NELL2: variants seen among roughly 807,000 people sequenced by gnomAD.
NELL2 encodes protein kinase C-binding protein NELL2.
A neutral mutation model predicts 109.6 loss-of-function variants in NELL2; 41 were observed. That is an observed-to-expected ratio of 0.37 (90% CI 0.29 to 0.49). The LOEUF (loss-of-function observed/expected upper bound fraction) is 0.49. Ranked by LOEUF, NELL2 falls within the 20% of genes least tolerant of loss-of-function variation. The pLI, the probability that NELL2 is intolerant of heterozygous loss-of-function variation, is 0.98. For missense variants in NELL2, 900 were observed against 1,008.3 expected, an observed-to-expected ratio of 0.89 and a Z score of 1.45; for synonymous variants, 355 against 344.7, an observed-to-expected ratio of 1.03 and a Z score of -0.33.
At chr12:44,843,716 T>C (rs1944292398) in intron 2 of NELL2, among the ~76,000 whole-genome samples, 3 of 152,230 alleles carry the variant, frequency 2.0e-5, no homozygotes, top group African/African-American at 7.2e-5. Flanking sequence ...TGAGAGCTGC[T>C]TTCTGCTTCA....
At chr12:44,920,018 A>C (rs2136899648) in intron 1 of NELL2, among the ~76,000 whole-genome samples, 1 of 152,334 alleles carries the variant, frequency 6.6e-6, no homozygotes, top group South Asian at 2.1e-4. Flanking sequence ...TTCTGGAAAT[A>C]AAGTCTTTAA....
At chr12:44,857,162 T>G (rs1042660655) in intron 2 of NELL2, among the ~76,000 whole-genome samples, 6 of 152,006 alleles carry the variant, frequency 3.9e-5, no homozygotes, top group African/African-American at 7.3e-5. Flanking sequence ...ATGTAAGAGT[T>G]CACCAGGAAA....
At chr12:44,576,456 A>C (rs2136202909) in intron 15 of NELL2, among the ~76,000 whole-genome samples, 1 of 152,104 alleles carries the variant, frequency 6.6e-6, no homozygotes, top group South Asian at 2.1e-4. Flanking sequence ...CATCATGATC[A>C]CTATCCCCAT....
chr12:44,591,828 T>A (rs996133151), intron 15 of NELL2, among the ~76,000 whole-genome samples: 5 of 152,198 alleles, frequency 3.3e-5, no homozygotes, highest in Non-Finnish European at 7.4e-5. Flanking sequence ...TTACCTGATT[T>A]CATCATTAGA....
intron 2 of NELL2, among the ~76,000 whole-genome samples, chr12:44,817,083 G>A: frequency 6.6e-6 from 1 of 152,310 alleles, no homozygotes; most frequent in East Asian, 1.9e-4. Flanking sequence ...CTGGCATTTA[G>A]AGAGGACAAT....
rs77294906 is a variant in NELL2, at chr12:44,677,642, C to A, written c.1319-12033G>T. On this transcript the variant is annotated intron_variant, in intron 12 of 19. Coordinates refer to ENST00000429094, the MANE Select transcript of NELL2 (RefSeq NM_001145108.2). ...TAAAACTGGAAGCTAGGAGGAAGCT[C>A]ACTTGATACTAGTTTCAGTTCTTGT... Among the ~76,000 whole-genome samples the A allele has an allele frequency of 1.6e-3, 247 of 152,120 alleles. 2 individuals are homozygous for A. The East Asian group carries it at 0.039, about 24-fold the overall frequency.
intron 13 of NELL2, among the ~76,000 whole-genome samples, chr12:44,658,066 C>T (rs563913036): frequency 6.6e-5 from 10 of 152,178 alleles, no homozygotes; most frequent in Admixed American, 2.0e-4. Flanking sequence ...CTGTCTTCCA[C>T]AATGGTTGAA....
chr12:44,825,149 G>A (rs945666559), intron 2 of NELL2, among the ~76,000 whole-genome samples: 6 of 152,144 alleles, frequency 3.9e-5, no homozygotes, highest in South Asian at 2.1e-4. Flanking sequence ...GTGGGAATAT[G>A]TCATTGAAAT....
At position 44,610,466 on chromosome 12, in the gene NELL2, G is replaced by A. The variant is rs543956404; in HGVS notation, c.1567+382C>T. 3.9e-4 allele frequency among the ~76,000 whole-genome samples: 59 copies of A among 152,150 alleles called. 2 individuals are homozygous for A. In the South Asian group the frequency reaches 0.012, roughly 30 times the overall value. On this transcript the variant is annotated intron_variant, in intron 14 of 19. Coordinates refer to ENST00000429094, the MANE Select transcript of NELL2 (RefSeq NM_001145108.2). ...AAAAGGTGTAGAAAGAACAGACTGA[G>A]CAAACTGGAAGAAGAGGAACTTGGG...
At chr12:44,663,402 G>A (rs1396976973) in intron 13 of NELL2, among the ~76,000 whole-genome samples, 1 of 152,114 alleles carries the variant, frequency 6.6e-6, no homozygotes. Context: ...CTCTTTAAGT[G>A]GTAGCATAGA....
intron 13 of NELL2, among the ~76,000 whole-genome samples, chr12:44,616,531 C>T (rs1015214205): frequency 6.6e-6 from 1 of 152,054 alleles, no homozygotes; most frequent in African/African-American, 2.4e-5. Context: ...AGACTTAATG[C>T]TAAATAAGTC....
Position 44,577,879 on chromosome 12 carries a change from C to A in NELL2, c.1663+29290G>T, listed in dbSNP as rs150842200. Among the ~76,000 whole-genome samples, 251 of 152,266 alleles carry A rather than the reference C, an allele frequency of 1.6e-3. 1 individual carries two copies. Among genetic ancestry groups the A allele is most frequent in the Admixed American group, 3.7e-3 (57 of 15,296 alleles). ...CCTGACTCTTAACATGTGGCCCGAT[C>A]AATTCTAACTTGCATTTTTGAATTC... On this transcript the variant is annotated intron_variant, in intron 15 of 19. Transcript: ENST00000429094.
At chr12:44,753,112 C>T (rs919856044) in intron 9 of NELL2, among the ~76,000 whole-genome samples, 9 of 152,176 alleles carry the variant, frequency 5.9e-5, no homozygotes, top group African/African-American at 1.9e-4. Context: ...CAAATAGTTA[C>T]ATGGCCGGCT....
intron 1 of NELL2, among the ~76,000 whole-genome samples, chr12:44,908,554 G>C (rs1945745624): frequency 6.6e-6 from 1 of 151,982 alleles, no homozygotes; most frequent in African/African-American, 2.4e-5. Flanking sequence ...CCAAAGGAAA[G>C]AAGGTCAAGG....
chr12:44,798,840 G>A (rs1009549525), intron 3 of NELL2, among the ~76,000 whole-genome samples: 1 of 150,012 alleles, frequency 6.7e-6, no homozygotes, highest in Admixed American at 6.7e-5. Context: ...CCTGATTATA[G>A]CAAAGGCATT....
intron 3 of NELL2, among the ~76,000 whole-genome samples, chr12:44,788,966 G>T (rs779067727): frequency 2.0e-5 from 3 of 151,936 alleles, no homozygotes; most frequent in African/African-American, 7.3e-5. Context: ...CTCCATTGAC[G>T]TGGGAACCTC....
chr12:44,873,296 G>A lies in NELL2; in HGVS notation c.184+1929C>T, dbSNP rs538211671. 2.6e-5 allele frequency among the ~76,000 whole-genome samples: 4 copies of A among 152,232 alleles called. No homozygotes were observed. The South Asian group carries it at 8.3e-4, about 32-fold the overall frequency. ...AAGGAAAAACAACCAATTCATCAAT[G>A]TACATGGATATCTAGTTACTATGGA... On this transcript the variant is annotated intron_variant, in intron 2 of 19. Coordinates refer to ENST00000429094, the MANE Select transcript of NELL2 (RefSeq NM_001145108.2).
chr12:44,578,168 T>C (rs916377974), intron 15 of NELL2, among the ~76,000 whole-genome samples: 53 of 147,522 alleles, frequency 3.6e-4, no homozygotes, highest in African/African-American at 1.2e-3. Context: ...TTAATCCCTC[T>C]ACTTCTGTGT....
chr12:44,599,286 T>C (rs773300771), intron 15 of NELL2, among the ~76,000 whole-genome samples: 1 of 151,976 alleles, frequency 6.6e-6, no homozygotes, highest in East Asian at 1.9e-4. Flanking sequence ...CTTCAGGCAA[T>C]AGAGCAATGC....
Sources: allele counts gnomAD v4.1 joint callset (sites outside exome capture counted in the v4.1 genomes callset), GRCh38; gene constraint gnomAD v4.1.1; transcripts MANE v1.5; gene names NCBI Gene and HGNC (gene_info 2026-07-23, HGNC 2026-07-21).